HERPUD2: variants seen among roughly 807,000 people sequenced by gnomAD.
The protein encoded by HERPUD2 is homocysteine-responsive endoplasmic reticulum-resident ubiquitin-like domain member 2 protein.
In HERPUD2, 13 loss-of-function variants were observed where a neutral mutation model predicts 49.9. The ratio of observed to expected loss-of-function variants is 0.26; its 90% CI spans 0.17 to 0.41. The LOEUF (loss-of-function observed/expected upper bound fraction) is 0.41, where lower values mean the gene tolerates loss of function less well. Ranked by LOEUF, HERPUD2 falls within the 10% of genes least tolerant of loss-of-function variation. The probability of loss-of-function intolerance (pLI) is 1.00; values close to 1 mark genes in which losing one functional copy is unlikely to be tolerated. For missense variants in HERPUD2, 449 were observed against 492.2 expected (o/e 0.91, Z 0.83); for synonymous variants, 172 against 171.4 (o/e 1.00, Z -0.03).
chr7:35,687,518 G>A (rs575826557), intron 2 of HERPUD2, among the ~76,000 whole-genome samples: 2 of 152,332 alleles, frequency 1.3e-5, no homozygotes, highest in South Asian at 4.1e-4. Context: ...GAGTGGCCCA[G>A]AAACAGAAAT....
At chr7:35,649,252 GAA>G (rs750758740) in intron 5 of HERPUD2, among the ~76,000 whole-genome samples, 6 of 119,588 alleles carry the variant, frequency 5.0e-5, no homozygotes, top group South Asian at 2.6e-4. Flanking sequence ...CTCCATCTCT[GAA>G]AAAAAAAAAA....
chr7:35,649,668 A>T (rs73338397), intron 5 of HERPUD2, among the ~76,000 whole-genome samples: 4,048 of 152,286 alleles, frequency 0.027, 180 homozygotes, highest in African/African-American at 0.092. Flanking sequence ...GCAGATTTTT[A>T]AAAAATATTA....
chr7:35,663,615 G>C (rs762555542), intron 5 of HERPUD2, among the ~76,000 whole-genome samples: 18 of 152,134 alleles, frequency 1.2e-4, no homozygotes, highest in Non-Finnish European at 2.5e-4. Flanking sequence ...ATTTAAGATA[G>C]TTAGCTCCTC....
At chr7:35,664,401 G>A (rs2115939801) in intron 5 of HERPUD2, among the ~76,000 whole-genome samples, 1 of 152,210 alleles carries the variant, frequency 6.6e-6, no homozygotes, top group African/African-American at 2.4e-5. Flanking sequence ...TATCTTTGTG[G>A]TGTTCTCTGT....
chr7:35,694,397 C>T lies in HERPUD2; in HGVS notation c.-67G>A, dbSNP rs1786268778. ...AAGCCCAAAAGAGCCGAGATGGTCA[C>T]CGCCGGCGCGACTGGGATGAGGACA... On this transcript the variant is annotated 5_prime_UTR_variant, in exon 2 of 9. The change creates a new upstream start codon in the 5' untranslated region. Coordinates refer to ENST00000311350, the MANE Select transcript of HERPUD2 (RefSeq NM_022373.5). 2 of 1,564,264 alleles carry T rather than the reference C, an allele frequency of 1.3e-6. No homozygotes were observed. The highest frequency in any genetic ancestry group is 1.8e-6 in the Non-Finnish European group (2 of 1,136,352).
At chr7:35,638,660 A>G (rs1049306862) in intron 5 of HERPUD2, among the ~76,000 whole-genome samples, 188 bp from the exon 6 acceptor site, 6 of 152,236 alleles carry the variant, frequency 3.9e-5, no homozygotes, top group Non-Finnish European at 8.8e-5. Context: ...CCCAGGGCCC[A>G]ACTATATAGA....
At chr7:35,657,705 C>G (rs1170968163) in intron 5 of HERPUD2, among the ~76,000 whole-genome samples, 1 of 149,168 alleles carries the variant, frequency 6.7e-6, no homozygotes, top group Non-Finnish European at 1.5e-5. Flanking sequence ...GTCAGGAGAT[C>G]GAGACCATCC....
chr7:35,673,800 G>A (rs1785693086), intron 2 of HERPUD2, among the ~76,000 whole-genome samples: 1 of 152,064 alleles, frequency 6.6e-6, no homozygotes, highest in African/African-American at 2.4e-5. Flanking sequence ...GAGCCATTTA[G>A]ATTTAGTTAT....
At chr7:35,669,965 T>A (rs190335933) in intron 4 of HERPUD2, among the ~76,000 whole-genome samples, 1 of 152,148 alleles carries the variant, frequency 6.6e-6, no homozygotes, top group Non-Finnish European at 1.5e-5. Context: ...CCTTTGAAGA[T>A]TAAATCTATT....
At chr7:35,654,770 G>A (rs948144726) in intron 5 of HERPUD2, among the ~76,000 whole-genome samples, 2 of 151,372 alleles carry the variant, frequency 1.3e-5, no homozygotes, top group Non-Finnish European at 2.9e-5. Flanking sequence ...CCACCTTCTG[G>A]GTCCAAGTGA....
chr7:35,633,515 A>C lies in HERPUD2; in HGVS notation c.*175T>G. The C allele has an allele frequency of 2.3e-6, 1 of 440,468 alleles. No individual in the cohort carries two copies. Among genetic ancestry groups the C allele is most frequent in the Non-Finnish European group, 4.0e-6 (1 of 250,682 alleles). 27.3% of individuals were successfully genotyped at this position (440,468 alleles called of 1,614,324 possible). A position where few individuals can be genotyped will look rare whatever the true frequency, so the allele number is the denominator to read the frequency against. On this transcript the variant is annotated 3_prime_UTR_variant, in exon 9 of 9. Coordinates refer to ENST00000311350, the MANE Select transcript of HERPUD2 (RefSeq NM_022373.5). Reference sequence around the variant, plus strand: ...TTAAAAAAAAAAAAAAAAAACTCAGATATTTAGTAGTCCATTCGTGCTTAA... The same window carrying C: ...TTAAAAAAAAAAAAAAAAAACTCAGCTATTTAGTAGTCCATTCGTGCTTAA...
intron 2 of HERPUD2, among the ~76,000 whole-genome samples, chr7:35,674,376 A>C (rs1250150835): frequency 7.3e-5 from 4 of 54,584 alleles, no homozygotes; most frequent in Non-Finnish European, 1.7e-4. Flanking sequence ...TAAGTCTTAC[A>C]ACCTATATAT....
chr7:35,658,303 T>C (rs1460711475), intron 5 of HERPUD2, among the ~76,000 whole-genome samples: 1 of 152,072 alleles, frequency 6.6e-6, no homozygotes, highest in Non-Finnish European at 1.5e-5. Context: ...AGAGAGTAGA[T>C]TGATAGACAC....
At chr7:35,663,260 T>G (rs1260718522) in intron 5 of HERPUD2, among the ~76,000 whole-genome samples, 1 of 152,232 alleles carries the variant, frequency 6.6e-6, no homozygotes, top group Admixed American at 6.5e-5. Context: ...TCTGTTCTTT[T>G]ACTGAGTAAA....
intron 5 of HERPUD2, among the ~76,000 whole-genome samples, chr7:35,659,927 C>T: frequency 6.6e-6 from 1 of 151,418 alleles, no homozygotes; most frequent in East Asian, 1.9e-4. Context: ...TACATGTTCA[C>T]AACATGCAGG....
chr7:35,641,147 C>G (rs1311980886), intron 5 of HERPUD2, among the ~76,000 whole-genome samples: 2 of 152,134 alleles, frequency 1.3e-5, no homozygotes, highest in Non-Finnish European at 2.9e-5. Context: ...AGGATATCAA[C>G]TATTAATTAA....
At position 35,664,229 on chromosome 7, in the gene HERPUD2, C is replaced by T. The variant is rs201946872; in HGVS notation, c.494+3205G>A. Among the ~76,000 whole-genome samples the T allele has an allele frequency of 3.3e-5, 5 of 152,334 alleles. No homozygotes were observed. In the East Asian group the frequency reaches 9.6e-4, roughly 29 times the overall value. ...ATTGAATATTGGCCCCCACTCTCTT[C>T]TGGCTTGTAGAGTTTCTGCCGAGAG... On this transcript the variant is annotated intron_variant, in intron 5 of 8. Transcript: ENST00000311350.
At chr7:35,672,757 C>G (rs1241098671) in intron 3 of HERPUD2, among the ~76,000 whole-genome samples, 1 of 151,928 alleles carries the variant, frequency 6.6e-6, no homozygotes, top group Non-Finnish European at 1.5e-5. Flanking sequence ...CTCTCAGCAC[C>G]CACAAAGTTT....
chr7:35,643,958 A>G (rs995192827), intron 5 of HERPUD2, among the ~76,000 whole-genome samples: 3 of 152,010 alleles, frequency 2.0e-5, no homozygotes, highest in African/African-American at 7.2e-5. Context: ...AAAAAGAACA[A>G]TGAAAGTTTT....
Sources: gnomAD v4.1 joint callset for allele counts (sites outside exome capture counted in the v4.1 genomes callset) on GRCh38, gnomAD v4.1.1 for gene constraint, MANE v1.5 for transcripts, NCBI Gene and HGNC (gene_info 2026-07-23, HGNC 2026-07-21) for gene names.